Variants in CERT1 observed in about 807,000 individuals in gnomAD.
The protein encoded by CERT1 is ceramide transfer protein.
Under a neutral mutation model 87.9 loss-of-function variants are expected in CERT1, and 31 were observed. The observed-to-expected ratio is 0.35, with a 90% CI of 0.27 to 0.48. CERT1 has a LOEUF of 0.48. Ranked by LOEUF, CERT1 falls within the 20% of genes least tolerant of loss-of-function variation. The pLI is 0.99. For missense variants in CERT1, 487 were observed against 758.0 expected, an observed-to-expected ratio of 0.64 and a Z score of 4.20; for synonymous variants, 289 against 250.9, an observed-to-expected ratio of 1.15 and a Z score of -1.44.
intron 2 of CERT1, among the ~76,000 whole-genome samples, chr5:75,491,060 T>G (rs533631674): frequency 2.2e-4 from 34 of 152,290 alleles, no homozygotes; most frequent in African/African-American, 7.7e-4. Flanking sequence ...TTTACGGGAT[T>G]AGAGGAATTT....
At chr5:75,501,755 T>G (rs936030921) in intron 2 of CERT1, among the ~76,000 whole-genome samples, 6 of 152,160 alleles carry the variant, frequency 3.9e-5, no homozygotes, top group African/African-American at 1.4e-4. Flanking sequence ...GGTTAGTTAT[T>G]TAATTAATGC....
intron 6 of CERT1, 100 bp downstream of exon 6, chr5:75,419,241 T>G: frequency 2.7e-6 from 2 of 733,260 alleles, no homozygotes; most frequent in Non-Finnish European, 2.2e-6. Context: ...CCAGTTCTAC[T>G]GCTTTTTAAA....
intron 5 of CERT1, among the ~76,000 whole-genome samples, chr5:75,420,984 AT>A (rs1763354061): frequency 6.6e-6 from 1 of 152,156 alleles, no homozygotes; most frequent in East Asian, 1.9e-4. Context: ...AGCCCAGCTA[AT>A]TTTTGTAGAG....
rs999348897 is a variant in CERT1 at position 75,426,524 on chromosome 5, A to G, written c.349-46T>C. On this transcript the variant is annotated intron_variant, in intron 3 of 16. Coordinates refer to ENST00000643780, the MANE Select transcript of CERT1 (RefSeq NM_001379029.1). ...TGTGAAAAGAATTTAAATAAAAAAT[A>G]CTTGAGAAAACAAAAGGTTTCCTAT... 4.4e-6 allele frequency: 6 copies of G among 1,356,162 alleles called. No homozygotes were observed. The African/African-American group carries it at 7.3e-5, about 16-fold the overall frequency. 84.0% of individuals were successfully genotyped at this position (1,356,162 alleles called of 1,614,324 possible).
At chr5:75,450,050 G>A (rs1486303886) in intron 3 of CERT1, among the ~76,000 whole-genome samples, 1 of 151,864 alleles carries the variant, frequency 6.6e-6, no homozygotes, top group African/African-American at 2.4e-5. Flanking sequence ...TTACTATCTT[G>A]GTAAAAGCTA....
rs911324466 is a variant in CERT1, at chr5:75,390,041, AG to A, written c.1189-355del. Among the ~76,000 whole-genome samples, 44 of 152,350 alleles carry A rather than the reference AG, an allele frequency of 2.9e-4. No homozygotes were observed. In the East Asian group the frequency reaches 7.3e-3, roughly 25 times the overall value. ...TTAAAGTATAAAATAATGGAAGAGT[AG>A]AGATAAAGGGGGCACAGAGATCATC... On this transcript the variant is annotated intron_variant, in intron 11 of 16. Coordinates refer to ENST00000643780, the MANE Select transcript of CERT1 (RefSeq NM_001379029.1).
intron 6 of CERT1, among the ~76,000 whole-genome samples, chr5:75,418,780 T>G (rs1047607281): frequency 1.3e-5 from 2 of 152,156 alleles, no homozygotes; most frequent in Non-Finnish European, 2.9e-5. Flanking sequence ...AAATGCAAAC[T>G]AATCTATAGT....
At chr5:75,506,185 T>C (rs1767641264) in intron 1 of CERT1, 69 bp from the exon 2 acceptor site, 2 of 1,461,098 alleles carry the variant, frequency 1.4e-6, no homozygotes, top group African/African-American at 1.4e-5. Context: ...AATCCAAACT[T>C]TGTGAAACAG....
chr5:75,498,837 C>A (rs1451974239), intron 2 of CERT1, among the ~76,000 whole-genome samples: 1 of 152,214 alleles, frequency 6.6e-6, no homozygotes, highest in African/African-American at 2.4e-5. Context: ...CCACTGTCCT[C>A]CAGATCCCAG....
rs188658453 is a variant in CERT1, at chr5:75,474,164, T to C, written c.232-14983A>G. 5.3e-4 allele frequency among the ~76,000 whole-genome samples: 80 copies of C among 152,284 alleles called. 2 individuals are homozygous for C. In the East Asian group the frequency reaches 0.011, roughly 21 times the overall value. On this transcript the variant is annotated intron_variant, in intron 2 of 16. Transcript: ENST00000643780. ...AAGAACGCTGTGAAACTCCCTGCCC[T>C]GTTCTGTTTCTCTCTGACCACCAGT...
chr5:75,411,808 G>A (rs988869339), intron 7 of CERT1, among the ~76,000 whole-genome samples: 2 of 152,086 alleles, frequency 1.3e-5, no homozygotes, highest in African/African-American at 4.8e-5. Flanking sequence ...ATTTATTTTG[G>A]TATGAAGAAA....
In CERT1 at chr5:75,425,483, C is replaced by A. The variant is rs61759489; in HGVS notation, c.473G>T (p.Arg158Leu). ...TSSFKKGHSLREKLAEMETFR... is the reference protein window; with the variant it reads ...TSSFKKGHSLLEKLAEMETFR... ...TGTTTCCATTTCAGCCAACTTCTCA[C>A]GTAAACTGTGGCCTTTCTGCAAAAC... The change falls in exon 5 of 17, where the codon CGT (arginine) becomes CTT (leucine). Residue 158 changes from arginine (R) to leucine (L), a missense_variant. This residue lies in a region of CERT1 where 173 missense variants were observed against 302.2 expected (regional missense o/e 0.57). Transcript: ENST00000643780. The A allele has an allele frequency of 1.9e-6, 3 of 1,612,510 alleles. No individual in the cohort carries two copies. Among genetic ancestry groups the A allele is most frequent in the African/African-American group, 1.3e-5 (1 of 74,860 alleles).
chr5:75,380,133 G>A (rs1478905889), intron 16 of CERT1, among the ~76,000 whole-genome samples: 2 of 152,116 alleles, frequency 1.3e-5, no homozygotes, highest in Non-Finnish European at 2.9e-5. Context: ...TTATGGCCCT[G>A]TATAAAGAAG....
chr5:75,469,255 T>C (rs1452689751), intron 2 of CERT1, among the ~76,000 whole-genome samples: 2 of 151,892 alleles, frequency 1.3e-5, no homozygotes, highest in South Asian at 2.1e-4. Flanking sequence ...TTTGAAAATA[T>C]ATGGTCAGGA....
chr5:75,375,610 TAAATAAATAAATAAATAAATAAAATA>T (rs1209693404), downstream of CERT1: 1 of 143,230 alleles, frequency 7.0e-6, no homozygotes, highest in African/African-American at 2.6e-5. Context: ...AATAAATAAA[TAAATAAATAAATAAATAAATAAAATA>T]AATAAAAATA....
At chr5:75,446,975 T>C (rs1279121462) in intron 3 of CERT1, among the ~76,000 whole-genome samples, 1 of 152,198 alleles carries the variant, frequency 6.6e-6, no homozygotes, top group Admixed American at 6.5e-5. Context: ...TCTGCACCTC[T>C]GTGATAAGAA....
intron 2 of CERT1, chr5:75,505,754 C>G (rs961048955): frequency 2.0e-5 from 6 of 297,090 alleles, no homozygotes; most frequent in Non-Finnish European, 3.7e-5. Context: ...AGCCCTTAAA[C>G]TGGTTTGATA....
chr5:75,425,391 C>T lies in CERT1; in HGVS notation c.565G>A (p.Val189Ile). 2 of 1,614,044 alleles carry T rather than the reference C, an allele frequency of 1.2e-6. No homozygotes were observed. The highest frequency in any genetic ancestry group is 1.7e-6 in the Non-Finnish European group (2 of 1,179,928). The change falls in exon 5 of 17, where the codon GTC (valine) becomes ATC (isoleucine). Residue 189 changes from valine to isoleucine, a missense_variant. Physicochemically the swap from Val to Ile is conservative, Grantham distance 29. Transcript: ENST00000643780. Reference protein sequence around the residue: ...QKYFDACADAVSKDELQRDKV... With the variant: ...QKYFDACADAISKDELQRDKV... ...TCCCTTTGAAGTTCATCCTTAGAGACAGCATCAGCACAGGCATCAAAGTAC... is the reference window on the plus strand; with the variant it reads ...TCCCTTTGAAGTTCATCCTTAGAGATAGCATCAGCACAGGCATCAAAGTAC...
At chr5:75,494,615 C>G (rs565209867) in intron 2 of CERT1, among the ~76,000 whole-genome samples, 119 of 152,288 alleles carry the variant, frequency 7.8e-4, no homozygotes, top group Middle Eastern at 3.4e-3. Context: ...CTTATACACT[C>G]TCCACCCCCA....
Sources: allele counts gnomAD v4.1 joint callset (sites outside exome capture counted in the v4.1 genomes callset), GRCh38; gene constraint gnomAD v4.1.1; regional missense constraint gnomAD v4.1.1; transcripts MANE v1.5; gene names NCBI Gene and HGNC (gene_info 2026-07-23, HGNC 2026-07-21).